The following TRIM37 variants were observed in gnomAD, a reference collection of about 807,000 sequenced individuals.
TRIM37 encodes tripartite motif containing 37.
TRIM37 carries 80 observed loss-of-function variants against 129.8 expected under a neutral mutation model. That is an observed-to-expected ratio of 0.62 (90% CI 0.51 to 0.74). TRIM37 has a LOEUF of 0.74. TRIM37 is among the 30% of genes least tolerant of loss of function. The probability of loss-of-function intolerance (pLI) is 0.00; values close to 1 mark genes in which losing one functional copy is unlikely to be tolerated. For synonymous variants in TRIM37, 389 were observed against 387.1 expected, an observed-to-expected ratio of 1.00 and a Z score of -0.06; for missense variants, 1,054 against 1,176.5, an observed-to-expected ratio of 0.90 and a Z score of 1.52.
chr17:59,025,391 TATA>T lies in TRIM37; in HGVS notation c.2257+3021_2257+3023del, dbSNP rs1039743253. Among the ~76,000 whole-genome samples, 30 of 151,144 alleles carry T rather than the reference TATA, an allele frequency of 2.0e-4. 1 individual carries two copies. The highest frequency in any genetic ancestry group is 8.6e-4 in the Admixed American group (13 of 15,132). ...TATTGCCATGAATATTATTATTAAT[TATA>T]ATATTATTAATATTCATGTCATGAA... On this transcript the variant is annotated intron_variant, in intron 19 of 23. Transcript: ENST00000262294.
rs192618526 is a variant in TRIM37, at chr17:59,075,635, A to C, written c.684+12T>G. On this transcript the variant is annotated intron_variant, in intron 8 of 23. Coordinates refer to ENST00000262294, the MANE Select transcript of TRIM37 (RefSeq NM_015294.6). ...GATAAAGACTATTTCATTACATTTAATATTTCATCACCTGGTGCTCCACCT... is the reference window on the plus strand; with the variant it reads ...GATAAAGACTATTTCATTACATTTACTATTTCATCACCTGGTGCTCCACCT... The C allele has an allele frequency of 6.3e-7, 1 of 1,581,890 alleles. No homozygotes were observed. Among genetic ancestry groups the C allele is most frequent in the Admixed American group, 1.7e-5 (1 of 59,906 alleles).
At chr17:59,040,454 T>A (rs990032520) in intron 17 of TRIM37, among the ~76,000 whole-genome samples, 1 of 151,970 alleles carries the variant, frequency 6.6e-6, no homozygotes, top group African/African-American at 2.4e-5. Context: ...AAGTAAAGAA[T>A]GTATAGCATT....
Position 59,015,810 on chromosome 17 carries a change from A to C in TRIM37, c.2387-11T>G. 1 of 1,611,870 alleles carries C rather than the reference A, an allele frequency of 6.2e-7. No homozygotes were observed. The highest frequency in any genetic ancestry group is 8.5e-7 in the Non-Finnish European group (1 of 1,179,646). ...AGCTTCCTGGGGAGCCTTCAAAAAA[A>C]GGAAGATGGAATACAAAAATTAGCT... On this transcript the variant is annotated splice_polypyrimidine_tract_variant and intron_variant, in intron 20 of 23. Coordinates refer to ENST00000262294, the MANE Select transcript of TRIM37 (RefSeq NM_015294.6).
chr17:59,003,192 A>G (rs773218755), intron 22 of TRIM37, among the ~76,000 whole-genome samples: 1 of 152,200 alleles, frequency 6.6e-6, no homozygotes, highest in African/African-American at 2.4e-5. Context: ...TAAAATTCCT[A>G]TTGAAAGAAC....
intron 24 of TRIM37, among the ~76,000 whole-genome samples, chr17:58,992,082 G>A (rs1041221398): frequency 6.6e-6 from 1 of 151,496 alleles, no homozygotes; most frequent in Admixed American, 6.6e-5. Context: ...TAATTGACTA[G>A]AACAACTCAC....
chr17:59,055,510 C>T (rs1242272067), intron 13 of TRIM37, among the ~76,000 whole-genome samples: 1 of 151,272 alleles, frequency 6.6e-6, no homozygotes, highest in African/African-American at 2.4e-5. Context: ...CTGGCTAACA[C>T]GGTGGAACCC....
At chr17:59,036,052 T>A (rs1031508811) in intron 17 of TRIM37, among the ~76,000 whole-genome samples, 10 of 152,182 alleles carry the variant, frequency 6.6e-5, no homozygotes, top group African/African-American at 2.4e-4. Context: ...ATATTTACCA[T>A]CACAAAATCT....
intron 19 of TRIM37, among the ~76,000 whole-genome samples, chr17:59,020,145 TGC>T (rs1429430930): frequency 7.4e-6 from 1 of 134,866 alleles, no homozygotes; most frequent in Non-Finnish European, 1.5e-5. Flanking sequence ...GTAGGAGAAG[TGC>T]TTGAGCCCAA....
intron 17 of TRIM37, among the ~76,000 whole-genome samples, chr17:59,033,609 G>A (rs1480450845): frequency 2.0e-5 from 3 of 151,836 alleles, no homozygotes; most frequent in Non-Finnish European, 2.9e-5. Flanking sequence ...CAGTAGATAC[G>A]GGGTTTCACC....
intron 13 of TRIM37, among the ~76,000 whole-genome samples, chr17:59,052,717 G>A (rs1314199748): frequency 6.6e-6 from 1 of 152,108 alleles, no homozygotes; most frequent in Non-Finnish European, 1.5e-5. Flanking sequence ...CACTTTGGGA[G>A]GCCGAGGTGG....
intron 5 of TRIM37, among the ~76,000 whole-genome samples, 159 bp downstream of exon 5, chr17:59,083,843 T>A (rs1237451066): frequency 1.3e-5 from 2 of 152,228 alleles, no homozygotes; most frequent in Admixed American, 6.5e-5. Context: ...AAGATTCTTC[T>A]GGAATAAAAG....
rs766706035 is a variant in TRIM37 at position 59,028,593 on chromosome 17, C to T, written c.2079G>A (p.Lys693=). 4 of 1,614,170 alleles carry T rather than the reference C, an allele frequency of 2.5e-6. No individual in the cohort carries two copies. The highest frequency in any genetic ancestry group is 4.5e-5 in the East Asian group (2 of 44,874). Residue 693 remains lysine, a synonymous_variant, in exon 19 of 24, where the codon AAG becomes AAA. Transcript: ENST00000262294. ...AEVRCMKTDV[K]NTLSEIKSSS... ...TGCTTTTTATTTCTGAAAGTGTATT[C>T]TTTACATCAGTTTTCATACATCGAA...
chr17:58,982,698 G>C (rs2031430404), exon 25 of TRIM37: 2 of 497,532 alleles, frequency 4.0e-6, no homozygotes, highest in Admixed American at 3.5e-5. Flanking sequence ...GATGTAAGTA[G>C]AGACTTTCAG....
chr17:59,078,629 A>G (rs550077240), intron 7 of TRIM37, among the ~76,000 whole-genome samples: 1 of 152,332 alleles, frequency 6.6e-6, no homozygotes, highest in South Asian at 2.1e-4. Flanking sequence ...AGAGATCTCA[A>G]ATATTATCTA....
At chr17:59,059,668 T>C (rs889245798) in intron 12 of TRIM37, among the ~76,000 whole-genome samples, 3 of 152,224 alleles carry the variant, frequency 2.0e-5, no homozygotes, top group Non-Finnish European at 4.4e-5. Flanking sequence ...CTGTAAATTT[T>C]ACTCTGTTGG....
chr17:59,082,268 C>G (rs866845598), intron 5 of TRIM37, among the ~76,000 whole-genome samples: 1 of 152,046 alleles, frequency 6.6e-6, no homozygotes, highest in South Asian at 2.1e-4. Context: ...GAGACTCTGT[C>G]TCAAAAAAAC....
At chr17:59,104,624 C>T (rs1396076303) in intron 1 of TRIM37, 3 of 652,384 alleles carry the variant, frequency 4.6e-6, no homozygotes, top group Non-Finnish European at 8.3e-6. Flanking sequence ...ATAGGAAATG[C>T]AAACACAGAC....
At chr17:59,034,884 T>G (rs940673121) in intron 17 of TRIM37, among the ~76,000 whole-genome samples, 8 of 152,130 alleles carry the variant, frequency 5.3e-5, no homozygotes, top group African/African-American at 1.9e-4. Flanking sequence ...CTACTCCTAC[T>G]CTACAAAAAT....
At chr17:59,050,818 A>C (rs942246262) in intron 14 of TRIM37, among the ~76,000 whole-genome samples, 10 of 152,046 alleles carry the variant, frequency 6.6e-5, no homozygotes, top group Non-Finnish European at 1.5e-4. Flanking sequence ...TCTCTACTAA[A>C]AATACAAAAA....
Sources: gnomAD v4.1 joint callset for allele counts (sites outside exome capture counted in the v4.1 genomes callset) on GRCh38, gnomAD v4.1.1 for gene constraint, MANE v1.5 for transcripts, NCBI Gene and HGNC (gene_info 2026-07-23, HGNC 2026-07-21) for gene names.